BRINP1: variants seen among roughly 807,000 people sequenced by gnomAD.
BRINP1 encodes the protein BMP/retinoic acid-inducible neural-specific protein 1.
In BRINP1, 17 loss-of-function variants were observed where a neutral mutation model predicts 72.9. That is an observed-to-expected ratio of 0.23 (90% CI 0.16 to 0.35). The LOEUF is 0.35. Ranked by LOEUF, BRINP1 falls within the 10% of genes least tolerant of loss-of-function variation. The pLI is 1.00. For missense variants in BRINP1, 850 were observed against 1,001.6 expected, an observed-to-expected ratio of 0.85 and a Z score of 2.04; for synonymous variants, 418 against 378.5, an observed-to-expected ratio of 1.10 and a Z score of -1.21.
At chr9:119,255,683 G>C (rs1830438660) in intron 2 of BRINP1, among the ~76,000 whole-genome samples, 2 of 152,152 alleles carry the variant, frequency 1.3e-5, no homozygotes, top group Non-Finnish European at 1.5e-5. Flanking sequence ...GCCAGGTGCA[G>C]TGGCTCACGC....
intron 2 of BRINP1, among the ~76,000 whole-genome samples, chr9:119,273,618 C>G (rs765163495): frequency 3.3e-5 from 5 of 152,128 alleles, no homozygotes; most frequent in African/African-American, 4.8e-5. Context: ...TGCTTCTTCC[C>G]TCCAGGAAGC....
chr9:119,172,955 T>C (rs1398959118), intron 7 of BRINP1, among the ~76,000 whole-genome samples: 2 of 150,598 alleles, frequency 1.3e-5, no homozygotes, highest in South Asian at 2.1e-4. Flanking sequence ...AAACTCTCAA[T>C]AAATTAGGTA....
In BRINP1 at chr9:119,285,174, G is replaced by A. The variant is rs111745037; in HGVS notation, c.218+27964C>T. 4.1e-3 allele frequency among the ~76,000 whole-genome samples: 586 copies of A among 144,680 alleles called. 2 individuals carry two copies. Among genetic ancestry groups the A allele is most frequent in the Admixed American group, 5.3e-3 (76 of 14,236 alleles). The allele number at this position is 144,680 out of a possible 152,430, so 94.9% of individuals were successfully genotyped here. Reference sequence around the variant, plus strand: ...TGTGGAGTGGACTGGCCACTCCTTCGCATACTAATCAAGTTCTTGCAGGCA... The same window carrying A: ...TGTGGAGTGGACTGGCCACTCCTTCACATACTAATCAAGTTCTTGCAGGCA... On this transcript the variant is annotated intron_variant, in intron 2 of 7. Transcript: ENST00000265922.
chr9:119,253,929 A>G (rs1448802231), intron 2 of BRINP1, among the ~76,000 whole-genome samples: 2 of 152,190 alleles, frequency 1.3e-5, no homozygotes, highest in African/African-American at 2.4e-5. Context: ...CATTTTGAAG[A>G]TAGGTTTATG....
At chr9:119,233,845 T>C (rs1018532132) in intron 5 of BRINP1, among the ~76,000 whole-genome samples, 3 of 152,108 alleles carry the variant, frequency 2.0e-5, no homozygotes, top group Admixed American at 2.0e-4. Context: ...CCTAAAACCG[T>C]GTATTTGTTT....
At chr9:119,299,596 C>T (rs1181106377) in intron 2 of BRINP1, among the ~76,000 whole-genome samples, 5 of 143,696 alleles carry the variant, frequency 3.5e-5, no homozygotes, top group African/African-American at 1.0e-4. Flanking sequence ...ATGGGTGACA[C>T]GGCGAGACTC....
At chr9:119,215,154 G>A (rs1051943919) in intron 5 of BRINP1, among the ~76,000 whole-genome samples, 1 of 152,170 alleles carries the variant, frequency 6.6e-6, no homozygotes, top group African/African-American at 2.4e-5. Context: ...TGCTCTAACA[G>A]TGAGGAAGCC....
chr9:119,173,515 C>G (rs1011312918), intron 7 of BRINP1, among the ~76,000 whole-genome samples: 2 of 152,158 alleles, frequency 1.3e-5, no homozygotes, highest in African/African-American at 4.8e-5. Flanking sequence ...ATTCCATGCT[C>G]ATGGGTAGGA....
intron 2 of BRINP1, among the ~76,000 whole-genome samples, chr9:119,294,456 T>C (rs1199908855): frequency 1.3e-5 from 2 of 151,662 alleles, no homozygotes; most frequent in African/African-American, 2.4e-5. Flanking sequence ...GAAGCTGGAG[T>C]TGGGGGTTGC....
chr9:119,175,874 G>A (rs369573789), intron 7 of BRINP1, among the ~76,000 whole-genome samples: 15 of 152,100 alleles, frequency 9.9e-5, no homozygotes, highest in Admixed American at 6.5e-4. Context: ...CAATTTTCTC[G>A]CTTGAGCCTC....
At chr9:119,355,590 G>A (rs1220460638) in intron 1 of BRINP1, among the ~76,000 whole-genome samples, 15 of 151,962 alleles carry the variant, frequency 9.9e-5, no homozygotes, top group Non-Finnish European at 1.6e-4. Flanking sequence ...TTAGCCGGGC[G>A]TGGTGGTGGG....
At chr9:119,299,404 G>A (rs1034604369) in intron 2 of BRINP1, among the ~76,000 whole-genome samples, 1 of 151,952 alleles carries the variant, frequency 6.6e-6, no homozygotes, top group African/African-American at 2.4e-5. Context: ...ACCTGAGGTC[G>A]GGAGTTCAAG....
intron 7 of BRINP1, among the ~76,000 whole-genome samples, chr9:119,169,352 CAAAG>C (rs1829369655): frequency 6.6e-6 from 1 of 152,190 alleles, no homozygotes; most frequent in Admixed American, 6.5e-5. Context: ...CTTTCCGAAA[CAAAG>C]AAAGGGGTGA....
At chr9:119,263,666 G>C (rs919016027) in intron 2 of BRINP1, among the ~76,000 whole-genome samples, 4 of 125,252 alleles carry the variant, frequency 3.2e-5, no homozygotes, top group Admixed American at 1.1e-4. Flanking sequence ...GGAGTGCAGT[G>C]GTGCGATCTC....
intron 2 of BRINP1, among the ~76,000 whole-genome samples, chr9:119,305,358 T>C (rs1007102330): frequency 1.3e-5 from 2 of 152,224 alleles, no homozygotes; most frequent in Non-Finnish European, 2.9e-5. Flanking sequence ...GGCTATCTAG[T>C]AATATTCTGC....
intron 1 of BRINP1, among the ~76,000 whole-genome samples, chr9:119,329,377 T>A (rs984351843): frequency 6.6e-6 from 1 of 152,176 alleles, no homozygotes; most frequent in Non-Finnish European, 1.5e-5. Flanking sequence ...GTCATCCTTT[T>A]ATAGAGTACC....
chr9:119,310,352 G>A (rs1264178183), intron 2 of BRINP1, among the ~76,000 whole-genome samples: 2 of 152,166 alleles, frequency 1.3e-5, no homozygotes, highest in South Asian at 2.1e-4. Flanking sequence ...GAGCATTTAC[G>A]TCATGCCCTC....
At chr9:119,351,449 GA>G (rs901562664) in intron 1 of BRINP1, among the ~76,000 whole-genome samples, 31 of 143,972 alleles carry the variant, frequency 2.2e-4, no homozygotes, top group African/African-American at 3.3e-4. Flanking sequence ...TGCCAGGTTT[GA>G]AAAAAAAAAA....
At chr9:119,281,515 G>C (rs986273228) in intron 2 of BRINP1, among the ~76,000 whole-genome samples, 1 of 152,098 alleles carries the variant, frequency 6.6e-6, no homozygotes, top group Non-Finnish European at 1.5e-5. Flanking sequence ...GAGAAAGAGA[G>C]GTATCATAGA....
Sources: allele counts gnomAD v4.1 joint callset (sites outside exome capture counted in the v4.1 genomes callset), GRCh38; gene constraint gnomAD v4.1.1; transcripts MANE v1.5; gene names NCBI Gene and HGNC (gene_info 2026-07-23, HGNC 2026-07-21).